UNC80: variants seen among roughly 807,000 people sequenced by gnomAD.
UNC80 encodes unc-80 subunit of NALCN channel complex, also known as protein unc-80 homolog.
UNC80 carries 164 observed loss-of-function variants against 384.6 expected under a neutral mutation model. The ratio of observed to expected loss-of-function variants is 0.43; its 90% CI spans 0.38 to 0.49. UNC80 has a LOEUF of 0.49. UNC80 is among the 20% of genes least tolerant of loss of function. UNC80 has a pLI of 0.00. For synonymous variants in UNC80, 1,486 were observed against 1,527.8 expected (o/e 0.97, Z 0.64); for missense variants, 3,330 against 4,143.0 (o/e 0.80, Z 5.39).
intron 7 of UNC80, among the ~76,000 whole-genome samples, chr2:209,811,614 G>A (rs528715543): frequency 3.3e-5 from 5 of 152,282 alleles, no homozygotes; most frequent in Non-Finnish European, 7.4e-5. Context: ...GATAAACTCT[G>A]GCATAGCATA....
chr2:209,957,755 T>C lies in UNC80; in HGVS notation c.7550+19T>C. ...ACACCAGGTAATTCACTGCGCCTTA[T>C]TCTTCTATGGTCTCTCAATTTCATA... On this transcript the variant is annotated intron_variant, in intron 49 of 64. Transcript: ENST00000673920. 6.5e-7 allele frequency: 1 copy of C among 1,549,998 alleles called. No homozygotes were observed. The highest frequency in any genetic ancestry group is 8.7e-7 in the Non-Finnish European group (1 of 1,145,518).
chr2:209,789,438 TA>T, intron 5 of UNC80, 93 bp from the exon 6 acceptor site: 4 of 843,330 alleles, frequency 4.7e-6, no homozygotes, highest in Non-Finnish European at 7.7e-6. Context: ...AATGTTCTAT[TA>T]AAATAGCTTT....
rs187125741 is a variant in UNC80, at chr2:209,973,325, T to C, written c.8587+55T>C. 1.7e-4 allele frequency: 239 copies of C among 1,398,190 alleles called. No individual in the cohort carries two copies. The African/African-American group carries it at 3.2e-3, about 19-fold the overall frequency. The allele number at this position is 1,398,190 out of a possible 1,614,324, so 86.6% of individuals were successfully genotyped here. A position where few individuals can be genotyped will look rare whatever the true frequency, so the allele number is the denominator to read the frequency against. On this transcript the variant is annotated intron_variant, in intron 56 of 64. Transcript: ENST00000673920. ...TTGTGCATGTGTATGTATATGTATG[T>C]GAAAATATATGTGTAGATAGATAGA... is the stretch of plus-strand genomic sequence containing the variant.
intron 47 of UNC80, among the ~76,000 whole-genome samples, chr2:209,947,909 A>G (rs923416031): frequency 2.0e-5 from 3 of 152,154 alleles, no homozygotes; most frequent in African/African-American, 7.2e-5. Flanking sequence ...TATTTCTGAA[A>G]TCTGTTTAAC....
intron 26 of UNC80, among the ~76,000 whole-genome samples, chr2:209,890,334 C>A (rs2086215695): frequency 6.6e-6 from 1 of 152,116 alleles, no homozygotes; most frequent in Admixed American, 6.6e-5. Context: ...ATGAAGTTAG[C>A]CCACCTTTAG....
intron 44 of UNC80, among the ~76,000 whole-genome samples, chr2:209,943,111 A>G (rs1258896030): frequency 6.6e-6 from 1 of 152,178 alleles, no homozygotes; most frequent in Non-Finnish European, 1.5e-5. Context: ...CTTCTTATGT[A>G]TGCATGTTTA....
intron 23 of UNC80, among the ~76,000 whole-genome samples, chr2:209,873,524 A>C (rs1407178320): frequency 6.6e-6 from 1 of 152,196 alleles, no homozygotes. Context: ...TAAGTGAATA[A>C]ATTTAAAAGT....
chr2:209,814,772 G>A (rs2079613006), intron 8 of UNC80, among the ~76,000 whole-genome samples: 1 of 152,124 alleles, frequency 6.6e-6, no homozygotes, highest in Admixed American at 6.5e-5. Context: ...AATGTGACTT[G>A]TAGTGTGTTC....
chr2:209,867,380 T>A (rs1448687034), intron 22 of UNC80, among the ~76,000 whole-genome samples: 3 of 152,108 alleles, frequency 2.0e-5, no homozygotes, highest in Non-Finnish European at 4.4e-5. Context: ...GGAAACATTA[T>A]CAATCTAAGA....
chr2:209,891,108 G>T (rs1041509863), intron 26 of UNC80, among the ~76,000 whole-genome samples: 1 of 152,094 alleles, frequency 6.6e-6, no homozygotes, highest in Non-Finnish European at 1.5e-5. Flanking sequence ...ACAAATGAAC[G>T]ATTCTTAGAA....
chr2:209,846,901 A>G (rs1416582041), intron 21 of UNC80, among the ~76,000 whole-genome samples: 2 of 152,140 alleles, frequency 1.3e-5, no homozygotes, highest in African/African-American at 4.8e-5. Context: ...ATCATTAAAA[A>G]TACAGGAGAA....
intron 39 of UNC80, among the ~76,000 whole-genome samples, chr2:209,934,422 G>A (rs2091102020): frequency 6.6e-6 from 1 of 152,186 alleles, no homozygotes; most frequent in African/African-American, 2.4e-5. Flanking sequence ...AAAGGGGAAA[G>A]CAGGAAGAAG....
In UNC80 at chr2:209,998,836, T is replaced by C. The variant is rs574900731; in HGVS notation, c.*3241T>C. ...CTGTGACCTCACACTTCCCATTCCATGGCCTTGTCTTGGCAGGGAGTAAAA... is the reference window on the plus strand; with the variant it reads ...CTGTGACCTCACACTTCCCATTCCACGGCCTTGTCTTGGCAGGGAGTAAAA... On this transcript the variant is annotated 3_prime_UTR_variant, in exon 65 of 65. Transcript: ENST00000673920. 7 of 152,342 alleles carry C rather than the reference T, an allele frequency of 4.6e-5. No individual in the cohort carries two copies. In the East Asian group the frequency reaches 1.4e-3, roughly 29 times the overall value. The allele number at this position is 152,342 out of a possible 1,614,324, so 9.4% of individuals were successfully genotyped here.
intron 29 of UNC80, among the ~76,000 whole-genome samples, chr2:209,911,346 G>A (rs1054153787): frequency 6.6e-6 from 1 of 151,922 alleles, no homozygotes; most frequent in African/African-American, 2.4e-5. Context: ...CATTCACAGG[G>A]GAAAAAAGCA....
At chr2:209,972,553 T>C (rs1464229182) in intron 55 of UNC80, among the ~76,000 whole-genome samples, 2 of 152,244 alleles carry the variant, frequency 1.3e-5, no homozygotes, top group Non-Finnish European at 1.5e-5. Flanking sequence ...TTTAAAGTCA[T>C]TTCAGTACAG....
intron 7 of UNC80, among the ~76,000 whole-genome samples, chr2:209,808,001 G>A (rs2079016283): frequency 6.6e-6 from 1 of 152,040 alleles, no homozygotes; most frequent in African/African-American, 2.4e-5. Flanking sequence ...AACAAATTTT[G>A]ATTACATAAG....
intron 13 of UNC80, among the ~76,000 whole-genome samples, chr2:209,823,389 G>A (rs2080275402): frequency 6.6e-6 from 1 of 152,156 alleles, no homozygotes. Flanking sequence ...ATAAGCCCTT[G>A]CTCAGGATGA....
At chr2:209,775,864 A>G (rs1226989568) in intron 2 of UNC80, 25 bp from the exon 3 acceptor site, 2 of 1,602,322 alleles carry the variant, frequency 1.2e-6, no homozygotes, top group Non-Finnish European at 8.5e-7. Context: ...GGCTTTTCTT[A>G]TTGTTTTTGT....
chr2:209,804,080 A>C (rs543958992), intron 7 of UNC80, among the ~76,000 whole-genome samples: 16 of 152,266 alleles, frequency 1.1e-4, no homozygotes, highest in African/African-American at 3.4e-4. Context: ...GTATTTCTAC[A>C]TTAATCATTA....
Sources: allele counts gnomAD v4.1 joint callset (sites outside exome capture counted in the v4.1 genomes callset), GRCh38; gene constraint gnomAD v4.1.1; transcripts MANE v1.5; gene names NCBI Gene and HGNC (gene_info 2026-07-23, HGNC 2026-07-21).